The following PTK2 variants were observed in gnomAD, a reference collection of about 807,000 sequenced individuals.
PTK2 encodes focal adhesion kinase 1.
Under a neutral mutation model 150.1 loss-of-function variants are expected in PTK2, and 45 were observed. That is an observed-to-expected ratio of 0.30 (90% CI 0.24 to 0.38). The LOEUF (loss-of-function observed/expected upper bound fraction) is 0.38. PTK2 is among the 10% of genes least tolerant of loss of function. The probability of loss-of-function intolerance (pLI) is 1.00; values close to 1 mark genes in which losing one functional copy is unlikely to be tolerated. For synonymous variants in PTK2, 432 were observed against 449.2 expected (o/e 0.96, Z 0.48); for missense variants, 919 against 1,307.3 (o/e 0.70, Z 4.58).
chr8:140,686,128 C>CTAA (rs1039788957), intron 27 of PTK2, among the ~76,000 whole-genome samples: 2 of 152,132 alleles, frequency 1.3e-5, no homozygotes, highest in African/African-American at 4.8e-5. Flanking sequence ...CTTAAGTGAA[C>CTAA]TAATGCAGGA....
At chr8:140,926,728 T>C (rs1489486601) in intron 1 of PTK2, among the ~76,000 whole-genome samples, 1 of 152,030 alleles carries the variant, frequency 6.6e-6, no homozygotes, top group Non-Finnish European at 1.5e-5. Flanking sequence ...ATACAAAAAA[T>C]AGATGGGAAA....
chr8:140,941,325 T>G (rs1307605004), intron 1 of PTK2, among the ~76,000 whole-genome samples: 2 of 152,218 alleles, frequency 1.3e-5, no homozygotes, highest in East Asian at 3.8e-4. Flanking sequence ...AGATATTTAC[T>G]GTGTGATCAA....
chr8:140,938,892 C>T (rs187389769), intron 1 of PTK2, among the ~76,000 whole-genome samples: 78 of 152,212 alleles, frequency 5.1e-4, no homozygotes, highest in Non-Finnish European at 8.8e-5. Flanking sequence ...CCTGTAATGT[C>T]AACTACTCAG....
intron 17 of PTK2, among the ~76,000 whole-genome samples, chr8:140,747,686 A>AGGAGGAGGAG (rs1256987088): frequency 3.5e-5 from 2 of 57,570 alleles, no homozygotes; most frequent in Non-Finnish European, 6.6e-5. Context: ...AAGGAAGGGG[A>AGGAGGAGGAG]GGAGGAGGAG....
intron 9 of PTK2, 130 bp from the exon 10 acceptor site, chr8:140,818,484 A>C: frequency 1.4e-6 from 1 of 728,328 alleles, no homozygotes; most frequent in East Asian, 2.7e-5. Context: ...CTATCTAACC[A>C]AATAAGATAA....
At chr8:140,746,224 C>T (rs1010491717) in intron 18 of PTK2, among the ~76,000 whole-genome samples, 2 of 151,890 alleles carry the variant, frequency 1.3e-5, no homozygotes, top group South Asian at 2.1e-4. Context: ...CCCAGCAACT[C>T]GGGAAGTTGA....
At chr8:140,863,836 T>A (rs1258026128) in intron 5 of PTK2, among the ~76,000 whole-genome samples, 1 of 152,176 alleles carries the variant, frequency 6.6e-6, no homozygotes, top group Non-Finnish European at 1.5e-5. Context: ...GCAAAAAAAA[T>A]TACCAAGTAC....
intron 26 of PTK2, among the ~76,000 whole-genome samples, chr8:140,692,506 A>G (rs931836805): frequency 1.3e-5 from 2 of 152,220 alleles, no homozygotes; most frequent in African/African-American, 4.8e-5. Flanking sequence ...AGTCCCAGCT[A>G]GTCGGGAGGC....
intron 2 of PTK2, among the ~76,000 whole-genome samples, chr8:140,922,754 G>C (rs1195041602): frequency 1.3e-5 from 2 of 152,118 alleles, no homozygotes; most frequent in Non-Finnish European, 2.9e-5. Context: ...TTAAAAATGA[G>C]AGCACTAAGA....
chr8:140,901,235 T>TC (rs1187224214), intron 2 of PTK2, among the ~76,000 whole-genome samples: 1 of 152,074 alleles, frequency 6.6e-6, no homozygotes. Flanking sequence ...TACATCTCTC[T>TC]CTCTCTCTCT....
chr8:140,944,529 A>G (rs2100177001), intron 1 of PTK2, among the ~76,000 whole-genome samples: 1 of 152,252 alleles, frequency 6.6e-6, no homozygotes, highest in Admixed American at 6.5e-5. Context: ...TAAAATGAGA[A>G]TAGTAATCAA....
intron 16 of PTK2, among the ~76,000 whole-genome samples, chr8:140,754,135 T>C (rs2100064304): frequency 6.6e-6 from 1 of 152,230 alleles, no homozygotes; most frequent in African/African-American, 2.4e-5. Context: ...ACTCAGGGAC[T>C]GCATTCCCTT....
intron 5 of PTK2, among the ~76,000 whole-genome samples, chr8:140,851,103 C>T (rs1475947356): frequency 6.6e-6 from 1 of 152,080 alleles, no homozygotes; most frequent in African/African-American, 2.4e-5. Flanking sequence ...GCTGGGTGAC[C>T]AAAAGCAAGT....
In PTK2 at chr8:140,893,316, A is replaced by G. The variant is rs138032821; in HGVS notation, c.-32-2547T>C. Among the ~76,000 whole-genome samples the G allele has an allele frequency of 3.9e-5, 6 of 152,310 alleles. No homozygotes were observed. The East Asian group carries it at 5.8e-4, about 15-fold the overall frequency. On this transcript the variant is annotated intron_variant, in intron 2 of 31. Coordinates refer to ENST00000522684, the Ensembl canonical transcript of PTK2. The stretch of plus-strand genomic sequence containing the variant: ...ACAGAAAGAGACCCTGACATAAAAC[A>G]AAATGAAACACCCTCACATGTGAAT...
chr8:140,768,854 G>C (rs772009603), intron 14 of PTK2, among the ~76,000 whole-genome samples: 7 of 152,018 alleles, frequency 4.6e-5, no homozygotes, highest in Non-Finnish European at 8.8e-5. Flanking sequence ...CGTTATACTC[G>C]TTATCAATAT....
intron 1 of PTK2, among the ~76,000 whole-genome samples, chr8:141,000,371 G>C (rs1023424851): frequency 6.6e-6 from 1 of 152,186 alleles, no homozygotes; most frequent in Non-Finnish European, 1.5e-5. Context: ...CTTGGGGCTC[G>C]GGCACCGGCA....
chr8:140,737,186 T>A (rs952963559), intron 21 of PTK2, among the ~76,000 whole-genome samples: 1 of 152,210 alleles, frequency 6.6e-6, no homozygotes, highest in Non-Finnish European at 1.5e-5. Context: ...CATTGCAGCC[T>A]CCACTACCCA....
chr8:140,800,238 GT>G (rs1042237568), intron 12 of PTK2, among the ~76,000 whole-genome samples: 7 of 151,862 alleles, frequency 4.6e-5, no homozygotes, highest in Non-Finnish European at 1.0e-4. Context: ...CACAGACAAT[GT>G]TTTTTTTAGG....
intron 1 of PTK2, among the ~76,000 whole-genome samples, chr8:140,964,223 C>G (rs1179077071): frequency 6.6e-6 from 1 of 152,100 alleles, no homozygotes; most frequent in African/African-American, 2.4e-5. Context: ...GAACTATAAT[C>G]AATAATTTGC....
Sources: allele counts gnomAD v4.1 joint callset (sites outside exome capture counted in the v4.1 genomes callset), GRCh38; gene constraint gnomAD v4.1.1; transcripts MANE v1.5; gene names NCBI Gene and HGNC (gene_info 2026-07-23, HGNC 2026-07-21).